Variants in MED14 observed in about 807,000 individuals in gnomAD.
MED14 encodes mediator complex subunit 14, also known as mediator of RNA polymerase II transcription subunit 14.
In MED14, 8 loss-of-function variants were observed where a neutral mutation model predicts 109.0. That is an observed-to-expected ratio of 0.07 (90% confidence interval 0.04 to 0.13). The LOEUF (loss-of-function observed/expected upper bound fraction) is 0.13. Ranked by LOEUF, MED14 falls within the 10% of genes least tolerant of loss-of-function variation. MED14 has a pLI of 1.00. For missense variants in MED14, 711 were observed against 1,142.4 expected (o/e 0.62, Z 5.44); for synonymous variants, 399 against 408.7 (o/e 0.98, Z 0.29).
intron 28 of MED14, among the ~76,000 whole-genome samples, chrX:40,658,059 G>T (rs111376660): frequency 0.029 from 3,050 of 103,986 alleles, 99 homozygotes; most frequent in Admixed American, 0.13. Flanking sequence ...CTTCCAAAGT[G>T]CTAGGATTAC....
chrX:40,661,621 T>G (rs747451751), intron 26 of MED14, among the ~76,000 whole-genome samples: 5 of 112,447 alleles, frequency 4.4e-5, no homozygotes, highest in South Asian at 3.6e-4. Context: ...TTACATGAAC[T>G]ATCTCAAATT....
chrX:40,706,586 A>G (rs1430230616), intron 10 of MED14, among the ~76,000 whole-genome samples: 1 of 111,871 alleles, frequency 8.9e-6, no homozygotes, highest in Non-Finnish European at 1.9e-5. Context: ...GTTCAAGAGC[A>G]GACAGCTGAA....
At chrX:40,727,395 T>C (rs1192924060) in intron 2 of MED14, among the ~76,000 whole-genome samples, 4 of 111,637 alleles carry the variant, frequency 3.6e-5, no homozygotes, top group Admixed American at 2.8e-4. Context: ...ATGTAACTCT[T>C]TACCAAACTA....
chrX:40,670,814 CA>C (rs1742628687), intron 23 of MED14, among the ~76,000 whole-genome samples: 1 of 111,052 alleles, frequency 9.0e-6, no homozygotes, highest in Non-Finnish European at 1.9e-5. Context: ...GTATGCACTG[CA>C]AATTCTGCTT....
chrX:40,678,698 G>A (rs955010608), intron 21 of MED14, among the ~76,000 whole-genome samples: 36 of 109,993 alleles, frequency 3.3e-4, no homozygotes, highest in Non-Finnish European at 7.6e-5. Flanking sequence ...CCCAACTACT[G>A]GGGACGCTGA....
chrX:40,714,740 A>T, intron 3 of MED14, 30 bp from the exon 4 acceptor site: 1 of 1,147,629 alleles, frequency 8.7e-7, no homozygotes. Flanking sequence ...TGTATTAAGC[A>T]TCCCTGAAAA....
At chrX:40,680,625 C>T (rs1270279446) in intron 20 of MED14, 133 bp downstream of exon 20, 1 of 520,534 alleles carries the variant, frequency 1.9e-6, no homozygotes, top group Non-Finnish European at 3.0e-6. Context: ...GCCACATTGC[C>T]CAAGCTGGTC....
chrX:40,705,994 C>A (rs1194434080), intron 10 of MED14, among the ~76,000 whole-genome samples: 1 of 111,445 alleles, frequency 9.0e-6, no homozygotes, highest in Non-Finnish European at 1.9e-5. Context: ...AACCACATGC[C>A]TGAGCTGCTC....
intron 19 of MED14, 58 bp from the exon 20 acceptor site, chrX:40,680,968 G>T: frequency 1.4e-6 from 1 of 736,386 alleles, no homozygotes; most frequent in Non-Finnish European, 1.9e-6. Flanking sequence ...TCAAGTAGGA[G>T]AAAAAAAAAA....
Position 40,655,063 on chromosome X carries a change from AT to A in MED14, c.3973-4del. ...AGCTGTGTTGCTTGGTCAGGGAACT[AT>A]TTTGAGGGGGAAAAATCAAGATAAA... On this transcript the variant is annotated splice_polypyrimidine_tract_variant and splice_region_variant and intron_variant, in intron 28 of 30. Coordinates refer to ENST00000324817, the MANE Select transcript of MED14 (RefSeq NM_004229.4). The A allele has an allele frequency of 1.7e-6, 2 of 1,204,860 alleles. No homozygotes were observed. The highest frequency in any genetic ancestry group is 2.2e-6 in the Non-Finnish European group (2 of 889,903).
chrX:40,721,264 C>T (rs1931707993), intron 3 of MED14, among the ~76,000 whole-genome samples: 1 of 111,555 alleles, frequency 9.0e-6, no homozygotes, highest in African/African-American at 3.3e-5. Context: ...GGGAAGCCCA[C>T]TGCCCTGAAA....
Position 40,651,362 on chromosome X carries a change from G to T in MED14, c.*444C>A, listed in dbSNP as rs1331933003. On this transcript the variant is annotated 3_prime_UTR_variant, in exon 31 of 31. Transcript: ENST00000324817. Reference sequence around the variant, plus strand: ...AGAACATTTCATGTAAGGATTCAAAGCGGTCATATTAAAATACAGCTTCAA... The same window carrying T: ...AGAACATTTCATGTAAGGATTCAAATCGGTCATATTAAAATACAGCTTCAA... 1 of 748,387 alleles carries T rather than the reference G, an allele frequency of 1.3e-6. No homozygotes were observed. The highest frequency in any genetic ancestry group is 1.6e-6 in the Non-Finnish European group (1 of 635,203). 61.7% of individuals were successfully genotyped at this position (748,387 alleles called of 1,213,427 possible). A position where few individuals can be genotyped will look rare whatever the true frequency, so the allele number is the denominator to read the frequency against.
At chrX:40,700,334 C>T (rs1930878171) in intron 12 of MED14, among the ~76,000 whole-genome samples, 1 of 82,795 alleles carries the variant, frequency 1.2e-5, no homozygotes, top group South Asian at 6.3e-4. Flanking sequence ...CCCCTCCAGC[C>T]TTGGTGGCAA....
intron 13 of MED14, among the ~76,000 whole-genome samples, chrX:40,695,729 C>T (rs1255195743): frequency 9.0e-6 from 1 of 111,526 alleles, no homozygotes; most frequent in Non-Finnish European, 1.9e-5. Flanking sequence ...TGTAGTGGGC[C>T]AAATCTAGTT....
At position 40,682,110 on chromosome X, in the gene MED14, G is replaced by A. The variant is rs185748598; in HGVS notation, c.2366-167C>T. On this transcript the variant is annotated intron_variant, in intron 18 of 30. Transcript: ENST00000324817. ...CAGCACAAACAGATAATATGCTTCC[G>A]TTTCTACAAAAGGGGGCAAGGGTAG... 2.6e-4 allele frequency among the ~76,000 whole-genome samples: 29 copies of A among 111,642 alleles called. No homozygotes were observed. The East Asian group carries it at 6.7e-3, about 26-fold the overall frequency.
At chrX:40,714,073 G>A (rs45526636) in intron 4 of MED14, among the ~76,000 whole-genome samples, 166 bp from the exon 5 acceptor site, 21,695 of 109,942 alleles carry the variant, frequency 0.2, 1,703 homozygotes, top group African/African-American at 0.29. Context: ...ATGCATAAGA[G>A]CAACAATGAT....
At chrX:40,711,984 C>A (rs1931353341) in intron 7 of MED14, among the ~76,000 whole-genome samples, 1 of 110,907 alleles carries the variant, frequency 9.0e-6, no homozygotes, top group Non-Finnish European at 1.9e-5. Context: ...GCAAAGTCAA[C>A]AGTAAAATTT....
chrX:40,664,353 T>C lies in MED14; in HGVS notation c.3402A>G (p.Leu1134=), dbSNP rs780399492. The C allele has an allele frequency of 2.5e-6, 3 of 1,203,615 alleles. No homozygotes were observed. Among genetic ancestry groups the C allele is most frequent in the Admixed American group, 4.5e-5 (2 of 44,603 alleles). The change falls in exon 25 of 31, where the codon CTA becomes CTG. Residue 1134 remains leucine (L), a synonymous_variant. Coordinates refer to ENST00000324817, the MANE Select transcript of MED14 (RefSeq NM_004229.4). ...MPGMSPANPS[L]HSPVPDASHS... Reference sequence around the variant, plus strand: ...GAGAAGCATCTGGAACCGGAGAATGTAGTGAGGGGTTGGCTGGTGACATTC... The same window carrying C: ...GAGAAGCATCTGGAACCGGAGAATGCAGTGAGGGGTTGGCTGGTGACATTC...
Position 40,714,612 on chromosome X carries a change from C to A in MED14, c.447G>T (p.Leu149=). 8.3e-7 allele frequency: 1 copy of A among 1,211,487 alleles called. No individual in the cohort carries two copies. The highest frequency in any genetic ancestry group is 1.1e-6 in the Non-Finnish European group (1 of 895,331). ...TGGCATATGGGATGGCAAAACTAGG[C>A]AGGCGTGCATGGACCAGAGCATCTC... ...LARDALVHAR[L]PSFAIPYAID... The change falls in exon 4 of 31, where the codon CTG becomes CTT. Residue 149 remains leucine, a synonymous_variant. Coordinates refer to ENST00000324817, the MANE Select transcript of MED14 (RefSeq NM_004229.4).
Sources: allele counts gnomAD v4.1 joint callset (sites outside exome capture counted in the v4.1 genomes callset), GRCh38; gene constraint gnomAD v4.1.1; transcripts MANE v1.5; gene names NCBI Gene and HGNC (gene_info 2026-07-23, HGNC 2026-07-21).